The following CSMD1 variants were observed in gnomAD, a reference collection of about 807,000 sequenced individuals.
The protein encoded by CSMD1 is CUB and Sushi multiple domains 1.
CSMD1 carries 213 observed loss-of-function variants against 417.5 expected under a neutral mutation model. The ratio of observed to expected loss-of-function variants is 0.51; its 90% confidence interval spans 0.46 to 0.57. The LOEUF is 0.57. Ranked by LOEUF, CSMD1 falls within the 20% of genes least tolerant of loss-of-function variation. The pLI is 0.00. For synonymous variants in CSMD1, 2,862 were observed against 1,736.8 expected, an observed-to-expected ratio of 1.65 and a Z score of -16.11; for missense variants, 6,923 against 4,529.7, an observed-to-expected ratio of 1.53 and a Z score of -15.17.
At chr8:3,829,955 T>C (rs991640977) in intron 5 of CSMD1, among the ~76,000 whole-genome samples, 1 of 152,306 alleles carries the variant, frequency 6.6e-6, no homozygotes, top group African/African-American at 2.4e-5. Context: ...TCAAGGAAAA[T>C]TAAAAATTTT....
intron 54 of CSMD1, among the ~76,000 whole-genome samples, chr8:2,992,578 C>T (rs1295679394): frequency 6.6e-6 from 1 of 151,636 alleles, no homozygotes; most frequent in Non-Finnish European, 1.5e-5. Flanking sequence ...TGTGCACCAC[C>T]ACACCTGGCT....
rs563085509 is a variant in CSMD1, at chr8:4,660,286, A to G, written c.86-22728T>C. On this transcript the variant is annotated intron_variant, in intron 1 of 69. Coordinates refer to ENST00000635120, the MANE Select transcript of CSMD1 (RefSeq NM_033225.6). ...ATTAAGTCTGTAACATGGACAGAAGAGTTAAAAACGCAACACAATTTAAAG... is the reference window on the plus strand; with the variant it reads ...ATTAAGTCTGTAACATGGACAGAAGGGTTAAAAACGCAACACAATTTAAAG... Among the ~76,000 whole-genome samples, 4 of 152,282 alleles carry G rather than the reference A, an allele frequency of 2.6e-5. No individual in the cohort carries two copies. In the East Asian group the frequency reaches 7.7e-4, roughly 29 times the overall value.
chr8:4,547,722 A>G (rs1042933250), intron 2 of CSMD1, among the ~76,000 whole-genome samples: 3 of 152,240 alleles, frequency 2.0e-5, no homozygotes, highest in African/African-American at 2.4e-5. Flanking sequence ...AGTAGAAGCT[A>G]TAAGCAGATG....
chr8:3,394,288 A>T (rs1244235846), intron 17 of CSMD1, among the ~76,000 whole-genome samples: 5 of 147,874 alleles, frequency 3.4e-5, no homozygotes, highest in Admixed American at 6.8e-5. Flanking sequence ...TATAATAATA[A>T]AATATTATTA....
chr8:4,373,659 T>G (rs1454825499), intron 3 of CSMD1, among the ~76,000 whole-genome samples: 1 of 152,134 alleles, frequency 6.6e-6, no homozygotes, highest in Non-Finnish European at 1.5e-5. Context: ...GAAGTTATGA[T>G]AGTTTAATGA....
chr8:3,283,433 T>C (rs1319191909), intron 26 of CSMD1, among the ~76,000 whole-genome samples: 1 of 152,094 alleles, frequency 6.6e-6, no homozygotes, highest in Non-Finnish European at 1.5e-5. Context: ...ACCTTTAAAG[T>C]CGTACGTTTT....
At chr8:3,578,910 G>C (rs548758685) in intron 9 of CSMD1, among the ~76,000 whole-genome samples, 23 of 152,176 alleles carry the variant, frequency 1.5e-4, no homozygotes, top group Admixed American at 2.0e-4. Context: ...ATCTCTCTCC[G>C]TAAGTTGCCA....
chr8:4,430,010 T>A (rs1797782248), intron 2 of CSMD1, among the ~76,000 whole-genome samples: 1 of 152,162 alleles, frequency 6.6e-6, no homozygotes, highest in South Asian at 2.1e-4. Context: ...CTTAAGTGCC[T>A]TCCCACTGAA....
At chr8:3,418,729 T>C (rs1056679012) in intron 12 of CSMD1, among the ~76,000 whole-genome samples, 7 of 152,122 alleles carry the variant, frequency 4.6e-5, no homozygotes, top group African/African-American at 1.2e-4. Flanking sequence ...GACATCTCCA[T>C]TGAATTTCCA....
At chr8:3,899,052 G>A (rs917423713) in intron 5 of CSMD1, among the ~76,000 whole-genome samples, 5 of 152,160 alleles carry the variant, frequency 3.3e-5, no homozygotes, top group African/African-American at 1.2e-4. Context: ...GAAAACAATT[G>A]AGGTCAATAA....
chr8:3,688,935 A>G (rs931737752), intron 7 of CSMD1, among the ~76,000 whole-genome samples: 5 of 152,152 alleles, frequency 3.3e-5, no homozygotes, highest in African/African-American at 1.2e-4. Flanking sequence ...AGTGAAAATT[A>G]AGTAATTAAA....
chr8:3,466,577 AT>A (rs35761429), intron 12 of CSMD1, among the ~76,000 whole-genome samples: 8,805 of 113,528 alleles, frequency 0.078, 257 homozygotes, highest in East Asian at 0.16. Flanking sequence ...CAATCAGCTA[AT>A]TTTTTTTTTT....
At chr8:4,028,725 G>T (rs1475745434) in intron 4 of CSMD1, among the ~76,000 whole-genome samples, 3 of 152,116 alleles carry the variant, frequency 2.0e-5, no homozygotes, top group South Asian at 2.1e-4. Context: ...TTTTAAATGA[G>T]TGTTAATAAT....
At chr8:3,668,231 C>T (rs912066978) in intron 7 of CSMD1, among the ~76,000 whole-genome samples, 1 of 152,096 alleles carries the variant, frequency 6.6e-6, no homozygotes, top group Admixed American at 6.5e-5. Context: ...ATCCGTCCAC[C>T]ACTGCTGGAT....
At chr8:3,874,336 T>A (rs1005421218) in intron 5 of CSMD1, among the ~76,000 whole-genome samples, 2 of 152,154 alleles carry the variant, frequency 1.3e-5, no homozygotes, top group African/African-American at 4.8e-5. Flanking sequence ...TTATCTAAAG[T>A]GAGGTTTTGA....
intron 17 of CSMD1, among the ~76,000 whole-genome samples, chr8:3,390,686 T>C (rs770216353): frequency 6.6e-6 from 1 of 151,472 alleles, no homozygotes; most frequent in Non-Finnish European, 1.5e-5. Flanking sequence ...CTTTGCAAAA[T>C]AAGTGACTGA....
chr8:3,260,426 G>A (rs1384950145), intron 26 of CSMD1, among the ~76,000 whole-genome samples: 2 of 152,076 alleles, frequency 1.3e-5, no homozygotes, highest in Non-Finnish European at 2.9e-5. Context: ...ATATCCTCCA[G>A]CCCCATCGGG....
At chr8:4,956,185 G>C (rs1351790808) in intron 1 of CSMD1, among the ~76,000 whole-genome samples, 1 of 151,896 alleles carries the variant, frequency 6.6e-6, no homozygotes, top group East Asian at 1.9e-4. Flanking sequence ...TCTACTTGGG[G>C]CCACTGGAGA....
intron 3 of CSMD1, among the ~76,000 whole-genome samples, chr8:4,224,016 C>T (rs187307694): frequency 4.6e-5 from 7 of 152,190 alleles, no homozygotes; most frequent in East Asian, 3.9e-4. Flanking sequence ...ACTCGTATCC[C>T]GGGTACGTTA....
Sources: allele counts gnomAD v4.1 joint callset (sites outside exome capture counted in the v4.1 genomes callset), GRCh38; gene constraint gnomAD v4.1.1; transcripts MANE v1.5; gene names NCBI Gene and HGNC (gene_info 2026-07-23, HGNC 2026-07-21).